Variants in MAP3K5 observed in about 807,000 individuals in gnomAD.
The protein encoded by MAP3K5 is mitogen-activated protein kinase kinase kinase 5.
In MAP3K5, 56 loss-of-function variants were observed where a neutral mutation model predicts 158.7. The observed-to-expected ratio is 0.35, with a 90% CI of 0.28 to 0.44. MAP3K5 has a LOEUF of 0.44. MAP3K5 is among the 20% of genes least tolerant of loss of function. The probability of loss-of-function intolerance (pLI) is 1.00; values close to 1 mark genes in which losing one functional copy is unlikely to be tolerated. For synonymous variants in MAP3K5, 579 were observed against 601.7 expected, an observed-to-expected ratio of 0.96 and a Z score of 0.55; for missense variants, 1,294 against 1,674.8, an observed-to-expected ratio of 0.77 and a Z score of 3.97.
At position 136,656,339 on chromosome 6, in the gene MAP3K5, T is replaced by C. The variant is rs2114439803; in HGVS notation, c.1648A>G (p.Thr550Ala). The change falls in exon 10 of 30, where the codon ACA becomes GCA. Residue 550 changes from threonine to alanine, a missense_variant. This residue lies in a region of MAP3K5 where 690 missense variants were observed against 870.5 expected (regional missense o/e 0.79). Coordinates refer to ENST00000359015, the MANE Select transcript of MAP3K5 (RefSeq NM_005923.4). Reference sequence around the variant, plus strand: ...CTAACCACAGTAACATCTGTCTTTGTGGCCTCGACCAGGAAATCCATCCAA... The same window carrying C: ...CTAACCACAGTAACATCTGTCTTTGCGGCCTCGACCAGGAAATCCATCCAA... ...DFWMDFLVEA[T>A]KTDVTVVRFP... is the part of the protein sequence containing the mutation. The C allele has an allele frequency of 6.2e-7, 1 of 1,614,052 alleles. No homozygotes were observed. Among genetic ancestry groups the C allele is most frequent in the Non-Finnish European group, 8.5e-7 (1 of 1,179,946 alleles).
chr6:136,728,311 G>C (rs1302903651), intron 1 of MAP3K5, among the ~76,000 whole-genome samples: 2 of 152,034 alleles, frequency 1.3e-5, no homozygotes, highest in Non-Finnish European at 2.9e-5. Context: ...GTTGAGGGAA[G>C]ATGTTAATTG....
intron 21 of MAP3K5, 118 bp from the exon 22 acceptor site, chr6:136,592,732 T>C: frequency 1.1e-6 from 1 of 874,688 alleles, no homozygotes. Context: ...ATGAGCAGCA[T>C]AATTATGCTA....
intron 1 of MAP3K5, among the ~76,000 whole-genome samples, chr6:136,770,154 A>T (rs1442550457): frequency 6.6e-6 from 1 of 151,812 alleles, no homozygotes; most frequent in East Asian, 1.9e-4. Context: ...TGAGACAGAG[A>T]CCATGTTTAT....
chr6:136,642,700 A>G, intron 11 of MAP3K5, 131 bp from the exon 12 acceptor site: 3 of 660,958 alleles, frequency 4.5e-6, no homozygotes, highest in Non-Finnish European at 5.4e-6. Context: ...TCATGAAAGA[A>G]TTATCTGGAT....
Position 136,791,735 on chromosome 6 carries a change from G to T in MAP3K5, c.423C>A (p.Thr141=). Residue 141 remains threonine, a synonymous_variant, in exon 1 of 30, where the codon ACC becomes ACA. Coordinates refer to ENST00000359015, the MANE Select transcript of MAP3K5 (RefSeq NM_005923.4). Reference sequence around the variant, plus strand: ...CTGCATTGTAAAAGCGGTCCAGCACGGTGGTTTCTCCAAAGTCGAGTTTCC... The same window carrying T: ...CTGCATTGTAAAAGCGGTCCAGCACTGTGGTTTCTCCAAAGTCGAGTTTCC... ...HFGKLDFGET[T]VLDRFYNADI... 6.2e-7 allele frequency: 1 copy of T among 1,613,358 alleles called. No homozygotes were observed. The highest frequency in any genetic ancestry group is 8.5e-7 in the Non-Finnish European group (1 of 1,180,026).
chr6:136,645,499 A>G (rs1778208207), intron 11 of MAP3K5, among the ~76,000 whole-genome samples: 1 of 152,112 alleles, frequency 6.6e-6, no homozygotes, highest in Non-Finnish European at 1.5e-5. Flanking sequence ...AGGGTGCCCA[A>G]ACTTCAACCC....
At chr6:136,653,401 T>A (rs1322859688) in intron 10 of MAP3K5, among the ~76,000 whole-genome samples, 1 of 152,194 alleles carries the variant, frequency 6.6e-6, no homozygotes, top group South Asian at 2.1e-4. Flanking sequence ...CTGGATTTTA[T>A]TTAGATGCAT....
intron 25 of MAP3K5, among the ~76,000 whole-genome samples, chr6:136,576,917 A>G (rs1774646426): frequency 2.0e-5 from 3 of 151,864 alleles, no homozygotes; most frequent in Admixed American, 2.0e-4. Flanking sequence ...AACACACCAT[A>G]CAAATTTGTA....
At chr6:136,790,690 T>G (rs1357286181) in intron 1 of MAP3K5, among the ~76,000 whole-genome samples, 2 of 152,208 alleles carry the variant, frequency 1.3e-5, no homozygotes, top group African/African-American at 4.8e-5. Context: ...AAATAAAGCC[T>G]TTTATGTGAT....
At chr6:136,649,399 A>G (rs1022220959) in intron 11 of MAP3K5, among the ~76,000 whole-genome samples, 2 of 152,196 alleles carry the variant, frequency 1.3e-5, no homozygotes, top group Admixed American at 6.5e-5. Context: ...ATAATTCTTG[A>G]GCTACTACAA....
At chr6:136,770,699 G>A (rs1452520071) in intron 1 of MAP3K5, among the ~76,000 whole-genome samples, 1 of 152,186 alleles carries the variant, frequency 6.6e-6, no homozygotes, top group Non-Finnish European at 1.5e-5. Context: ...CGAGGCCGCA[G>A]TGAGCTATGA....
chr6:136,792,119 C>A lies in MAP3K5; in HGVS notation c.39G>T (p.Val13=). 6.3e-7 allele frequency: 1 copy of A among 1,585,620 alleles called. No homozygotes were observed. Among genetic ancestry groups the A allele is most frequent in the Admixed American group, 1.8e-5 (1 of 56,314 alleles). The change falls in exon 1 of 30, where the codon GTG becomes GTT. Residue 13 remains valine, a synonymous_variant. Coordinates refer to ENST00000359015, the MANE Select transcript of MAP3K5 (RefSeq NM_005923.4). This position sits in a 1 kb window ranked among gnomAD's most constrained non-coding sequence, Gnocchi z 5.7. ...AGAAGCCCGAGGGGGCGAAGGGTGG[C>A]ACAGAGAAAGTGATGCCCTCGTCCG... is the stretch of plus-strand genomic sequence containing the variant. ...TEADEGITFS[V]PPFAPSGFCT...
intron 21 of MAP3K5, 50 bp from the exon 22 acceptor site, chr6:136,592,664 A>T (rs1775445673): frequency 6.8e-7 from 1 of 1,475,610 alleles, no homozygotes; most frequent in Non-Finnish European, 9.4e-7. Flanking sequence ...TAAAAAATGT[A>T]CACATACTGA....
intron 11 of MAP3K5, among the ~76,000 whole-genome samples, chr6:136,649,343 A>C (rs1274415483): frequency 6.6e-6 from 1 of 152,196 alleles, no homozygotes; most frequent in Admixed American, 6.5e-5. Context: ...ACATCTTGAA[A>C]AGCAGCATCC....
intron 26 of MAP3K5, among the ~76,000 whole-genome samples, chr6:136,564,123 T>C (rs1029773856): frequency 3.9e-5 from 6 of 152,204 alleles, no homozygotes; most frequent in African/African-American, 1.4e-4. Context: ...ATAGGTACAG[T>C]GCCAAGTCAG....
At chr6:136,704,082 G>C (rs1562628998) in intron 3 of MAP3K5, among the ~76,000 whole-genome samples, 1 of 152,078 alleles carries the variant, frequency 6.6e-6, no homozygotes. Flanking sequence ...CTTTTCTCAT[G>C]TTTTCACATT....
At chr6:136,696,447 A>C (rs1280089969) in intron 5 of MAP3K5, among the ~76,000 whole-genome samples, 1 of 152,196 alleles carries the variant, frequency 6.6e-6, no homozygotes, top group African/African-American at 2.4e-5. Flanking sequence ...AATGGGTTGA[A>C]CTTCTGTTAC....
intron 7 of MAP3K5, among the ~76,000 whole-genome samples, chr6:136,672,359 G>T (rs374672302): frequency 6.6e-6 from 1 of 152,200 alleles, no homozygotes; most frequent in African/African-American, 2.4e-5. Flanking sequence ...GAGCTGAATT[G>T]CTGTTGTCTT....
At position 136,562,645 on chromosome 6, in the gene MAP3K5, G is replaced by C. The variant is rs1194159271; in HGVS notation, c.3762-30C>G. 3.3e-6 allele frequency: 4 copies of C among 1,195,978 alleles called. No homozygotes were observed. The Admixed American group carries it at 8.2e-5, about 25-fold the overall frequency. 74.1% of individuals were successfully genotyped at this position (1,195,978 alleles called of 1,614,324 possible). A position where few individuals can be genotyped will look rare whatever the true frequency, so the allele number is the denominator to read the frequency against. ...AGAAGAAAAATATATTGTTTGACAG[G>C]AGGTGACACAGGGTGACCTTCTTTT... On this transcript the variant is annotated intron_variant, in intron 26 of 29. Coordinates refer to ENST00000359015, the MANE Select transcript of MAP3K5 (RefSeq NM_005923.4).
Sources: allele counts gnomAD v4.1 joint callset (sites outside exome capture counted in the v4.1 genomes callset), GRCh38; gene constraint gnomAD v4.1.1; regional missense constraint gnomAD v4.1.1; non-coding constraint Gnocchi (gnomAD v3.1); transcripts MANE v1.5; gene names NCBI Gene and HGNC (gene_info 2026-07-23, HGNC 2026-07-21).